Variants in LRRC28 observed in about 807,000 individuals in gnomAD.
The protein encoded by LRRC28 is leucine-rich repeat-containing protein 28.
LRRC28 carries 39 observed loss-of-function variants against 45.7 expected under a neutral mutation model. That is an observed-to-expected ratio of 0.85 (90% CI 0.66 to 1.12). LRRC28 has a LOEUF of 1.12. Among genes scored for constraint, LRRC28 ranks in the 50% most tolerant of loss-of-function variants. The probability of loss-of-function intolerance (pLI) is 0.00; values close to 1 mark genes in which losing one functional copy is unlikely to be tolerated. For synonymous variants in LRRC28, 206 were observed against 178.8 expected, an observed-to-expected ratio of 1.15 and a Z score of -1.22; for missense variants, 435 against 438.5, an observed-to-expected ratio of 0.99 and a Z score of 0.07.
chr15:99,353,535 A>C (rs1028418197), intron 7 of LRRC28: 1 of 152,236 alleles, frequency 6.6e-6, no homozygotes, highest in African/African-American at 2.4e-5. Flanking sequence ...TGAAGCAAAG[A>C]TAATAGAATA....
chr15:99,316,343 C>G (rs1469327341), intron 5 of LRRC28, among the ~76,000 whole-genome samples: 2 of 152,110 alleles, frequency 1.3e-5, no homozygotes, highest in Non-Finnish European at 2.9e-5. Flanking sequence ...AAACAGAGTG[C>G]TCTTTTTTTC....
chr15:99,326,923 C>G (rs1255972491), intron 5 of LRRC28, among the ~76,000 whole-genome samples: 3 of 152,060 alleles, frequency 2.0e-5, no homozygotes, highest in Non-Finnish European at 2.9e-5. Flanking sequence ...GTTTTTCCTC[C>G]TGTTTTCTGA....
intron 5 of LRRC28, among the ~76,000 whole-genome samples, chr15:99,324,853 G>A (rs1256262296): frequency 6.6e-6 from 1 of 152,130 alleles, no homozygotes; most frequent in Non-Finnish European, 1.5e-5. Flanking sequence ...AAAAGAGTAG[G>A]ATTCTACCAG....
At chr15:99,289,939 CA>C (rs398028517) in intron 5 of LRRC28, among the ~76,000 whole-genome samples, 4,952 of 49,474 alleles carry the variant, frequency 0.1, 58 homozygotes, top group East Asian at 0.14. Context: ...GACTCCGTCT[CA>C]AAAAAAAAAA....
intron 2 of LRRC28, chr15:99,259,130 C>A: frequency 7.6e-7 from 1 of 1,317,890 alleles, no homozygotes; most frequent in Non-Finnish European, 1.1e-6. Flanking sequence ...TCGAACATGT[C>A]TTGCTAAACT....
intron 3 of LRRC28, among the ~76,000 whole-genome samples, chr15:99,283,708 T>C (rs529382181): frequency 6.6e-6 from 1 of 151,818 alleles, no homozygotes; most frequent in Admixed American, 6.6e-5. Context: ...ACATCATATT[T>C]AACATTTAAA....
intron 2 of LRRC28, chr15:99,259,397 G>C: frequency 6.4e-7 from 1 of 1,553,084 alleles, no homozygotes; most frequent in Admixed American, 1.7e-5. Context: ...TGCCAAGGAA[G>C]GAGTGAAGTT....
chr15:99,382,215 C>G (rs1363021226), intron 9 of LRRC28, among the ~76,000 whole-genome samples: 3 of 152,222 alleles, frequency 2.0e-5, no homozygotes, highest in Non-Finnish European at 2.9e-5. Flanking sequence ...TTTACCTACT[C>G]AAGCCTCAGC....
chr15:99,360,007 T>C (rs1479009612), intron 7 of LRRC28, among the ~76,000 whole-genome samples: 7 of 152,172 alleles, frequency 4.6e-5, no homozygotes, highest in East Asian at 3.8e-4. Flanking sequence ...TTGCCACTTA[T>C]CAGTCCCTTT....
intron 5 of LRRC28, among the ~76,000 whole-genome samples, chr15:99,305,366 ACT>A (rs1339050985): frequency 2.0e-5 from 3 of 152,104 alleles, no homozygotes; most frequent in African/African-American, 4.8e-5. Context: ...TAATTTCTAA[ACT>A]CTGATATTTA....
intron 3 of LRRC28, 68 bp downstream of exon 3, chr15:99,276,684 G>A: frequency 8.1e-7 from 1 of 1,229,490 alleles, no homozygotes; most frequent in Non-Finnish European, 1.1e-6. Context: ...TGAAATAATA[G>A]GATATGTCAT....
chr15:99,320,041 A>G (rs985338910), intron 5 of LRRC28, among the ~76,000 whole-genome samples: 1 of 152,144 alleles, frequency 6.6e-6, no homozygotes, highest in Non-Finnish European at 1.5e-5. Context: ...TCCTGACCTC[A>G]GGTGATCCGC....
intron 2 of LRRC28, among the ~76,000 whole-genome samples, chr15:99,273,972 G>A (rs1002674984): frequency 5.9e-5 from 9 of 152,162 alleles, no homozygotes; most frequent in South Asian, 2.1e-4. Context: ...GCCCATAAAC[G>A]GAAGCGTATA....
chr15:99,262,903 G>C (rs532449181), intron 2 of LRRC28, among the ~76,000 whole-genome samples: 3 of 151,952 alleles, frequency 2.0e-5, no homozygotes, highest in Non-Finnish European at 4.4e-5. Flanking sequence ...TCCTGCCTTA[G>C]CCTCCCAAAG....
intron 3 of LRRC28, among the ~76,000 whole-genome samples, chr15:99,281,789 C>A (rs1211353630): frequency 6.6e-6 from 1 of 152,054 alleles, no homozygotes; most frequent in Non-Finnish European, 1.5e-5. Flanking sequence ...GTTAGGTTAG[C>A]CCTATTACTA....
At chr15:99,339,338 C>G (rs1348395245) in intron 6 of LRRC28, among the ~76,000 whole-genome samples, 1 of 152,134 alleles carries the variant, frequency 6.6e-6, no homozygotes, top group Non-Finnish European at 1.5e-5. Context: ...GCCACGTCAG[C>G]CAAACTCAAG....
chr15:99,305,636 A>G (rs1361063689), intron 5 of LRRC28, among the ~76,000 whole-genome samples: 3 of 152,230 alleles, frequency 2.0e-5, no homozygotes, highest in Admixed American at 2.0e-4. Context: ...ATGTTAATTA[A>G]TAGCTACTAT....
intron 5 of LRRC28, chr15:99,333,612 A>G (rs1956225658): frequency 2.8e-6 from 1 of 352,986 alleles, no homozygotes; most frequent in African/African-American, 2.1e-5. Flanking sequence ...CTGGCAACAA[A>G]CTTGACTCAT....
At chr15:99,253,427 A>G (rs1392043913) in intron 1 of LRRC28, among the ~76,000 whole-genome samples, 2 of 152,140 alleles carry the variant, frequency 1.3e-5, no homozygotes, top group African/African-American at 4.8e-5. Flanking sequence ...GGTCTCAGGA[A>G]GTAATTTTTA....
Sources: allele counts gnomAD v4.1 joint callset (sites outside exome capture counted in the v4.1 genomes callset), GRCh38; gene constraint gnomAD v4.1.1; transcripts MANE v1.5; gene names NCBI Gene and HGNC (gene_info 2026-07-23, HGNC 2026-07-21).